CALCOCO1: variants seen among roughly 807,000 people sequenced by gnomAD.
The protein encoded by CALCOCO1 is calcium-binding and coiled-coil domain-containing protein 1.
In CALCOCO1, 44 loss-of-function variants were observed where a neutral mutation model predicts 86.3. The observed-to-expected ratio is 0.51, with a 90% confidence interval of 0.40 to 0.66. The LOEUF (loss-of-function observed/expected upper bound fraction) is 0.66, where lower values mean the gene tolerates loss of function less well. CALCOCO1 is among the 30% of genes least tolerant of loss of function. The pLI, the probability that CALCOCO1 is intolerant of heterozygous loss-of-function variation, is 0.00. For missense variants in CALCOCO1, 708 were observed against 851.1 expected, an observed-to-expected ratio of 0.83 and a Z score of 2.09; for synonymous variants, 297 against 327.6, an observed-to-expected ratio of 0.91 and a Z score of 1.01.
At chr12:53,719,444 T>C (rs1427852129) in intron 7 of CALCOCO1, among the ~76,000 whole-genome samples, 1 of 152,102 alleles carries the variant, frequency 6.6e-6, no homozygotes, top group African/African-American at 2.4e-5. Context: ...GAGAGTTGCT[T>C]GAACCCAGGA....
In CALCOCO1 at chr12:53,711,235, G is replaced by A; in HGVS notation, c.*709C>T. ...GGGCCTTGGAAATGGGGATACCTGG[G>A]ACCACTTGTTCCCCCCATTCCTCAC... is the stretch of plus-strand genomic sequence containing the variant. On this transcript the variant is annotated 3_prime_UTR_variant, in exon 15 of 15. Coordinates refer to ENST00000550804, the MANE Select transcript of CALCOCO1 (RefSeq NM_020898.3). The A allele has an allele frequency of 2.5e-6, 1 of 398,936 alleles. No individual in the cohort carries two copies. Among genetic ancestry groups the A allele is most frequent in the Non-Finnish European group, 4.4e-6 (1 of 226,052 alleles). The allele number at this position is 398,936 out of a possible 1,614,324, so 24.7% of individuals were successfully genotyped here.
intron 8 of CALCOCO1, 79 bp downstream of exon 8, chr12:53,716,181 C>G: frequency 6.3e-7 from 1 of 1,591,292 alleles, no homozygotes; most frequent in East Asian, 2.2e-5. Flanking sequence ...TGTCTCTCCC[C>G]TTCTCTTTAG....
chr12:53,725,301 C>G, intron 1 of CALCOCO1, 35 bp from the exon 2 acceptor site: 1 of 1,429,918 alleles, frequency 7.0e-7, no homozygotes, highest in East Asian at 2.5e-5. Flanking sequence ...TAAAGTCTTT[C>G]CAGTCCACCT....
rs182375472 is a variant in CALCOCO1, at chr12:53,711,302, C to T, written c.*642G>A. 13 of 397,854 alleles carry T rather than the reference C, an allele frequency of 3.3e-5. No individual in the cohort carries two copies. The highest frequency in any genetic ancestry group is 1.8e-4 in the East Asian group (5 of 28,004). 24.6% of individuals were successfully genotyped at this position (397,854 alleles called of 1,614,324 possible). A position where few individuals can be genotyped will look rare whatever the true frequency, so the allele number is the denominator to read the frequency against. On this transcript the variant is annotated 3_prime_UTR_variant, in exon 15 of 15. Coordinates refer to ENST00000550804, the MANE Select transcript of CALCOCO1 (RefSeq NM_020898.3). ...TTATTTCTTTCCATGTGAGGAGATG[C>T]GAGGAGAGGATACAGAATACAGGAA... is the stretch of plus-strand genomic sequence containing the variant.
In CALCOCO1 at chr12:53,708,605, G is replaced by A. The variant is rs373304504; in HGVS notation, c.*3339C>T. On this transcript the variant is annotated 3_prime_UTR_variant, in exon 15 of 15. Coordinates refer to ENST00000550804, the MANE Select transcript of CALCOCO1 (RefSeq NM_020898.3). ...ATTCATTACATATATTATTTTGTAT[G>A]TATAAAACATTTCATTAAAATAACT... The A allele has an allele frequency of 1.2e-4, 18 of 152,228 alleles. No individual in the cohort carries two copies. The highest frequency in any genetic ancestry group is 9.2e-4 in the Admixed American group (14 of 15,294). 9.4% of individuals were successfully genotyped at this position (152,228 alleles called of 1,614,324 possible).
At chr12:53,721,642 A>C (rs1232376685) in intron 5 of CALCOCO1, 27 bp from the exon 6 acceptor site, 1 of 1,613,940 alleles carries the variant, frequency 6.2e-7, no homozygotes, top group South Asian at 1.1e-5. Context: ...CCCAGAAGAA[A>C]AGGGAGGTTG....
Position 53,721,179 on chromosome 12 carries a change from T to A in CALCOCO1, c.758+288A>T, listed in dbSNP as rs144199912. ...CTCTCTTATCTTGCACTGACTTCCA[T>A]CCATTCTCTTCTTCCAAATCCTCCA... On this transcript the variant is annotated intron_variant, in intron 6 of 14. Coordinates refer to ENST00000550804, the MANE Select transcript of CALCOCO1 (RefSeq NM_020898.3). Among the ~76,000 whole-genome samples the A allele has an allele frequency of 1.6e-3, 240 of 152,380 alleles. 3 individuals carry two copies. Among genetic ancestry groups the A allele is most frequent in the African/African-American group, 5.5e-3 (228 of 41,594 alleles).
chr12:53,725,261 GT>G lies in CALCOCO1; in HGVS notation c.-20del. ...CTTCCATCCTGGCCTTGAGATATCT[GT>G]CCTCCTATGAAAGAAAGGGTTGATA... is the stretch of plus-strand genomic sequence containing the variant. On this transcript the variant is annotated 5_prime_UTR_variant, in exon 2 of 15. Transcript: ENST00000550804. The G allele has an allele frequency of 3.8e-6, 6 of 1,560,532 alleles. No homozygotes were observed. Among genetic ancestry groups the G allele is most frequent in the Non-Finnish European group, 5.2e-6 (6 of 1,154,120 alleles).
rs77035073 is a variant in CALCOCO1 at position 53,722,091 on chromosome 12, C to T, written c.543G>A (p.Val181=). The T allele has an allele frequency of 5.7e-3, 9,235 of 1,613,944 alleles. 408 individuals carry two copies. The East Asian group carries it at 0.13, about 22-fold the overall frequency. ...TTGCCAGAGCCCTCTCGAGCTCCTGCACTCGGCTCCTCAGCTCTGTCACCT... is the reference window on the plus strand; with the variant it reads ...TTGCCAGAGCCCTCTCGAGCTCCTGTACTCGGCTCCTCAGCTCTGTCACCT... The part of the protein sequence containing the change: ...EGQVTELRSR[V]QELERALATA... Residue 181 remains valine, a synonymous_variant, in exon 5 of 15, where the codon GTG becomes GTA. Transcript: ENST00000550804.
At chr12:53,725,326 C>CTTTTTTTAATGA in intron 1 of CALCOCO1, 60 bp from the exon 2 acceptor site, 1 of 1,176,000 alleles carries the variant, frequency 8.5e-7, no homozygotes, top group South Asian at 1.6e-5. Flanking sequence ...CCCCCCACAG[C>CTTTTTTTAATGA]TCCAGCACCA....
At chr12:53,713,563 G>T in intron 13 of CALCOCO1, 138 bp downstream of exon 13, 1 of 795,920 alleles carries the variant, frequency 1.3e-6, no homozygotes, top group Non-Finnish European at 2.0e-6. Context: ...ACTCTTGGGA[G>T]ACTGAGGTGG....
Position 53,721,534 on chromosome 12 carries a change from G to C in CALCOCO1, c.691C>G (p.Leu231Val), listed in dbSNP as rs200082026. The C allele has an allele frequency of 6.2e-7, 1 of 1,613,908 alleles. No individual in the cohort carries two copies. Among genetic ancestry groups the C allele is most frequent in the South Asian group, 1.1e-5 (1 of 91,072 alleles). ...RQQGDHVARILELEDDIQTIS... is the reference protein window; with the variant it reads ...RQQGDHVARIVELEDDIQTIS... ...GTCTGGATGTCATCCTCTAGCTCCA[G>C]GATGCGTGCCACATGGTCTCCCTGT... The change falls in exon 6 of 15, where the codon CTG (leucine) becomes GTG (valine). Residue 231 changes from leucine to valine, a missense_variant. Transcript: ENST00000550804.
rs1459485582 is a variant in CALCOCO1, at chr12:53,719,821, T to C, written c.767A>G (p.Asp256Gly). Residue 256 changes from aspartate (D) to glycine (G), a missense_variant, in exon 7 of 15, where the codon GAC becomes GGC. Transcript: ENST00000550804. Reference protein sequence around the residue: ...TKEVELDRLRDTVKALTREQE... With the variant: ...TKEVELDRLRGTVKALTREQE... Reference sequence around the variant, plus strand: ...TTCCCGAGTCAGGGCCTTCACTGTGTCTCTAAGCCTGTGATTGGTGGGATG... The same window carrying C: ...TTCCCGAGTCAGGGCCTTCACTGTGCCTCTAAGCCTGTGATTGGTGGGATG... The C allele has an allele frequency of 6.2e-7, 1 of 1,612,402 alleles. No individual in the cohort carries two copies. The highest frequency in any genetic ancestry group is 8.5e-7 in the Non-Finnish European group (1 of 1,178,656).
chr12:53,713,302 G>A (rs1945626719), intron 13 of CALCOCO1, 96 bp from the exon 14 acceptor site: 1 of 1,006,428 alleles, frequency 9.9e-7, no homozygotes, highest in Non-Finnish European at 1.5e-6. Flanking sequence ...GCCAAGGCTA[G>A]GACAGTGACC....
intron 5 of CALCOCO1, 166 bp from the exon 6 acceptor site, chr12:53,721,781 C>G (rs142310561): frequency 2.2e-6 from 2 of 893,564 alleles, no homozygotes; most frequent in Admixed American, 4.6e-5. Flanking sequence ...TACCTATCAA[C>G]GTGGCCACCT....
chr12:53,722,959 A>G (rs1266642617), intron 4 of CALCOCO1: 5 of 381,744 alleles, frequency 1.3e-5, no homozygotes, highest in Non-Finnish European at 2.0e-5. Flanking sequence ...AAAAAAAAAA[A>G]AAGAAAAGAA....
At chr12:53,712,630 C>G in intron 14 of CALCOCO1, 1 of 335,302 alleles carries the variant, frequency 3.0e-6, no homozygotes, top group Non-Finnish European at 5.3e-6. Context: ...GGTTCCCTTC[C>G]CTAAGGGTTA....
At chr12:53,719,119 A>G (rs1945803803) in intron 7 of CALCOCO1, among the ~76,000 whole-genome samples, 1 of 151,024 alleles carries the variant, frequency 6.6e-6, no homozygotes, top group African/African-American at 2.4e-5. Flanking sequence ...TGCTGGGATT[A>G]CAGGCATGAG....
chr12:53,715,229 C>T lies in CALCOCO1; in HGVS notation c.1357G>A (p.Glu453Lys), dbSNP rs374769405. ...CTAGAATCCTTCTCCCGGGCCAGCT[C>T]AGTCTTGAACACTTGGTTTTGGGTC... ...ERTQNQVFKT[E>K]LAREKDSSLV... The change falls in exon 10 of 15, where the codon GAG becomes AAG. Residue 453 changes from glutamate to lysine, a missense_variant. Transcript: ENST00000550804. 36 of 1,614,178 alleles carry T rather than the reference C, an allele frequency of 2.2e-5. No homozygotes were observed. In the African/African-American group the frequency reaches 4.1e-4, roughly 19 times the overall value.
Sources: gnomAD v4.1 joint callset for allele counts (sites outside exome capture counted in the v4.1 genomes callset) on GRCh38, gnomAD v4.1.1 for gene constraint, MANE v1.5 for transcripts, NCBI Gene and HGNC (gene_info 2026-07-23, HGNC 2026-07-21) for gene names.